The following DCUN1D4 variants were observed in gnomAD, a reference collection of about 807,000 sequenced individuals.
DCUN1D4 encodes DCN1-like protein 4.
DCUN1D4 carries 22 observed loss-of-function variants against 47.9 expected under a neutral mutation model. The ratio of observed to expected loss-of-function variants is 0.46; its 90% CI spans 0.33 to 0.66. The LOEUF (loss-of-function observed/expected upper bound fraction) is 0.66. DCUN1D4 is among the 30% of genes least tolerant of loss of function. The pLI is 0.02. For synonymous variants in DCUN1D4, 121 were observed against 112.2 expected, an observed-to-expected ratio of 1.08 and a Z score of -0.50; for missense variants, 301 against 340.8, an observed-to-expected ratio of 0.88 and a Z score of 0.92.
intron 3 of DCUN1D4, among the ~76,000 whole-genome samples, chr4:51,868,811 A>T (rs550016064): frequency 1.3e-5 from 2 of 152,320 alleles, no homozygotes; most frequent in African/African-American, 4.8e-5. Context: ...AGCACAAAAT[A>T]GGAGTGAATT....
chr4:51,844,188 C>T lies in DCUN1D4; in HGVS notation c.25+921C>T, dbSNP rs17081926. On this transcript the variant is annotated intron_variant, in intron 1 of 10. Coordinates refer to ENST00000334635, the MANE Select transcript of DCUN1D4 (RefSeq NM_001040402.3). ...GCGGAGTTGGGCAGGAGGACTGTCACGTCCAGATTCGGTCCGGAGCCGGGC... is the reference window on the plus strand; with the variant it reads ...GCGGAGTTGGGCAGGAGGACTGTCATGTCCAGATTCGGTCCGGAGCCGGGC... 7.4e-3 allele frequency among the ~76,000 whole-genome samples: 1,096 copies of T among 148,632 alleles called. 12 individuals are homozygous for T. The highest frequency in any genetic ancestry group is 0.025 in the Middle Eastern group (7 of 284).
At chr4:51,842,821 C>T (rs1182721853), upstream of DCUN1D4, among the ~76,000 whole-genome samples, 1 of 152,222 alleles carries the variant, frequency 6.6e-6, no homozygotes, top group Non-Finnish European at 1.5e-5. Context: ...CCACCAATCC[C>T]GCCCGCCACT....
chr4:51,886,472 C>A, intron 5 of DCUN1D4, 96 bp from the exon 6 acceptor site: 1 of 1,068,108 alleles, frequency 9.4e-7, no homozygotes, highest in Non-Finnish European at 1.3e-6. Context: ...AGTTAATGGC[C>A]TTTAAGTCTT....
chr4:51,864,163 A>T (rs1011269975), intron 3 of DCUN1D4, among the ~76,000 whole-genome samples: 1 of 152,190 alleles, frequency 6.6e-6, no homozygotes, highest in Non-Finnish European at 1.5e-5. Flanking sequence ...TGTGGTTCTC[A>T]GAGTTTAGCT....
At chr4:51,910,298 C>T (rs906419016) in intron 8 of DCUN1D4, among the ~76,000 whole-genome samples, 43 of 152,130 alleles carry the variant, frequency 2.8e-4, no homozygotes, top group African/African-American at 1.0e-3. Flanking sequence ...TCCTTAATTG[C>T]AAATGTAAGT....
At chr4:51,834,398 G>T in the DCUN1D4 span, among the ~76,000 whole-genome samples, 10 of 151,848 alleles carry the variant, frequency 6.6e-5, no homozygotes, top group Non-Finnish European at 1.0e-4. Flanking sequence ...AACTGAGAGT[G>T]CTTCAGGGAG....
intron 1 of DCUN1D4, among the ~76,000 whole-genome samples, chr4:51,860,041 G>A (rs1401197663): frequency 6.6e-6 from 1 of 152,152 alleles, no homozygotes; most frequent in Non-Finnish European, 1.5e-5. Context: ...TACTTGCCAT[G>A]AGCATTGAAC....
Position 51,899,389 on chromosome 4 carries a change from T to A in DCUN1D4, c.615+11T>A. ...TTTGACTTTGCACGGGTGAGTTCTC[T>A]GGAGCCTATCCAGATGTTTCCCTCT... On this transcript the variant is annotated intron_variant, in intron 8 of 10. Coordinates refer to ENST00000334635, the MANE Select transcript of DCUN1D4 (RefSeq NM_001040402.3). The A allele has an allele frequency of 1.9e-6, 3 of 1,598,324 alleles. No individual in the cohort carries two copies. The highest frequency in any genetic ancestry group is 2.6e-6 in the Non-Finnish European group (3 of 1,172,660).
chr4:51,884,008 T>C, intron 5 of DCUN1D4, among the ~76,000 whole-genome samples: 1 of 149,098 alleles, frequency 6.7e-6, no homozygotes, highest in Non-Finnish European at 1.5e-5. Flanking sequence ...TATAAATTTA[T>C]ATTTTTAAAT....
At chr4:51,858,631 A>T (rs1455340574) in intron 1 of DCUN1D4, among the ~76,000 whole-genome samples, 3 of 152,158 alleles carry the variant, frequency 2.0e-5, no homozygotes, top group Admixed American at 2.0e-4. Context: ...ATGCCATTTA[A>T]TTATATGTTG....
At chr4:51,862,661 T>G (rs1206301315) in intron 1 of DCUN1D4, among the ~76,000 whole-genome samples, 2 of 152,140 alleles carry the variant, frequency 1.3e-5, no homozygotes, top group African/African-American at 4.8e-5. Flanking sequence ...ATGAAATTAT[T>G]AATAAACTTT....
chr4:51,909,262 ACT>A, intron 8 of DCUN1D4: 2 of 243,494 alleles, frequency 8.2e-6, no homozygotes, highest in East Asian at 2.3e-4. Context: ...ATGATTACAA[ACT>A]CTGCAAAGGG....
chr4:51,848,384 C>T, intron 1 of DCUN1D4: 1 of 1,158,768 alleles, frequency 8.6e-7, no homozygotes, highest in Non-Finnish European at 1.1e-6. Flanking sequence ...TGTTAAGGGG[C>T]CTAGAGTGTT....
At chr4:51,878,468 C>G (rs975150378) in intron 5 of DCUN1D4, among the ~76,000 whole-genome samples, 6 of 152,152 alleles carry the variant, frequency 3.9e-5, no homozygotes, top group Admixed American at 2.6e-4. Flanking sequence ...ATTTCAGGCT[C>G]TTTTATAACT....
At chr4:51,912,297 A>G (rs1335296874) in intron 9 of DCUN1D4, among the ~76,000 whole-genome samples, 1 of 152,178 alleles carries the variant, frequency 6.6e-6, no homozygotes, top group African/African-American at 2.4e-5. Flanking sequence ...CCTGGCCTGG[A>G]GGAAATCTGA....
chr4:51,909,614 G>A (rs1733403531), intron 8 of DCUN1D4, among the ~76,000 whole-genome samples: 1 of 152,166 alleles, frequency 6.6e-6, no homozygotes, highest in Non-Finnish European at 1.5e-5. Context: ...GCAGCCCTGA[G>A]CAGGACAATA....
chr4:51,878,366 A>C (rs758048395), intron 5 of DCUN1D4, among the ~76,000 whole-genome samples: 16 of 152,124 alleles, frequency 1.1e-4, no homozygotes, highest in Non-Finnish European at 1.9e-4. Context: ...CTTATTTGTT[A>C]TTGTGGCTTT....
Position 51,916,340 on chromosome 4 carries a change from A to G in DCUN1D4, c.*2756A>G, listed in dbSNP as rs1433301510. 1 of 152,534 alleles carries G rather than the reference A, an allele frequency of 6.6e-6. No homozygotes were observed. The highest frequency in any genetic ancestry group is 1.5e-5 in the Non-Finnish European group (1 of 68,002). 9.4% of individuals were successfully genotyped at this position (152,534 alleles called of 1,614,324 possible). On this transcript the variant is annotated 3_prime_UTR_variant, in exon 11 of 11. Transcript: ENST00000334635. ...GAATTATGTTTTTATAAATCTGACT[A>G]GGCAAACCTAGATTCTGGTTTCACA... is the stretch of plus-strand genomic sequence containing the variant.
At chr4:51,892,855 T>A (rs1419028177) in intron 7 of DCUN1D4, among the ~76,000 whole-genome samples, 1 of 152,254 alleles carries the variant, frequency 6.6e-6, no homozygotes, top group Non-Finnish European at 1.5e-5. Context: ...TGACTTTCTT[T>A]TCACTTTAGG....
Sources: allele counts gnomAD v4.1 joint callset (sites outside exome capture counted in the v4.1 genomes callset), GRCh38; gene constraint gnomAD v4.1.1; transcripts MANE v1.5; gene names NCBI Gene and HGNC (gene_info 2026-07-23, HGNC 2026-07-21).